Variants in L3MBTL4 observed in about 807,000 individuals in gnomAD.
L3MBTL4 encodes the protein L3MBTL histone methyl-lysine binding protein 4, also known as lethal(3)malignant brain tumor-like protein 4.
L3MBTL4 carries 70 observed loss-of-function variants against 84.5 expected under a neutral mutation model. That is an observed-to-expected ratio of 0.83 (90% CI 0.68 to 1.01). L3MBTL4 has a LOEUF of 1.01. Ranked by LOEUF, L3MBTL4 falls within the 50% of genes least tolerant of loss-of-function variation. L3MBTL4 has a pLI of 0.00. For missense variants in L3MBTL4, 715 were observed against 754.8 expected (o/e 0.95, Z 0.62); for synonymous variants, 274 against 259.8 (o/e 1.05, Z -0.52).
At chr18:6,247,811 T>A (rs374633736) in intron 5 of L3MBTL4, among the ~76,000 whole-genome samples, 15 of 151,798 alleles carry the variant, frequency 9.9e-5, no homozygotes, top group African/African-American at 3.6e-4. Flanking sequence ...ATTCCTGGTT[T>A]TGGGTCTGTC....
At chr18:6,123,092 A>G (rs2059578876) in intron 14 of L3MBTL4, among the ~76,000 whole-genome samples, 3 of 152,166 alleles carry the variant, frequency 2.0e-5, no homozygotes, top group Admixed American at 2.0e-4. Context: ...AGGCATCTTT[A>G]GGAAAGGGGG....
At chr18:6,396,358 G>T (rs341232) in intron 1 of L3MBTL4, 55,659 of 152,378 alleles carry the variant, frequency 0.37, 10,652 homozygotes, top group Middle Eastern at 0.47. Flanking sequence ...CCAGTGGAAG[G>T]TGCCCCTGGC....
intron 1 of L3MBTL4, among the ~76,000 whole-genome samples, chr18:6,378,478 CTTGAG>C (rs2054463163): frequency 6.6e-6 from 1 of 152,132 alleles, no homozygotes; most frequent in Non-Finnish European, 1.5e-5. Flanking sequence ...TTTAATCCAT[CTTGAG>C]TTAATTTTTG....
intron 1 of L3MBTL4, among the ~76,000 whole-genome samples, chr18:6,388,787 A>T (rs911368036): frequency 6.6e-6 from 1 of 152,194 alleles, no homozygotes; most frequent in Non-Finnish European, 1.5e-5. Context: ...GCAGATGGAC[A>T]CCGGCTGTGT....
chr18:6,277,131 C>T (rs571044634), intron 4 of L3MBTL4, among the ~76,000 whole-genome samples: 40 of 108,096 alleles, frequency 3.7e-4, no homozygotes, highest in African/African-American at 1.5e-3. Context: ...ACTCTGGGGA[C>T]TGTTGTGGGG....
At chr18:6,015,543 C>G (rs1177996899) in intron 16 of L3MBTL4, among the ~76,000 whole-genome samples, 1 of 152,166 alleles carries the variant, frequency 6.6e-6, no homozygotes. Flanking sequence ...TCTTTGTTGA[C>G]TTCTCCAGCC....
chr18:6,096,407 G>A (rs914264691), intron 14 of L3MBTL4, among the ~76,000 whole-genome samples: 3 of 152,160 alleles, frequency 2.0e-5, no homozygotes, highest in African/African-American at 7.2e-5. Flanking sequence ...CTGATTCTAT[G>A]AGGCAAATCA....
At chr18:5,980,572 C>T (rs694483) in intron 16 of L3MBTL4, among the ~76,000 whole-genome samples, 29,867 of 151,506 alleles carry the variant, frequency 0.2, 3,469 homozygotes, top group African/African-American at 0.32. Context: ...GCTGGGATTA[C>T]AGGCTTGCAC....
chr18:6,070,674 CA>C (rs199705016), intron 16 of L3MBTL4, among the ~76,000 whole-genome samples: 525 of 150,698 alleles, frequency 3.5e-3, no homozygotes, highest in Middle Eastern at 6.8e-3. Context: ...AAACAAAAAA[CA>C]AAAAAAACAA....
chr18:6,309,772 TA>T (rs1269287043), intron 3 of L3MBTL4, among the ~76,000 whole-genome samples: 3 of 152,246 alleles, frequency 2.0e-5, no homozygotes, highest in East Asian at 1.9e-4. Flanking sequence ...AGTACTAAGA[TA>T]GGGGGGTAAC....
chr18:6,204,990 T>C (rs11877895), intron 12 of L3MBTL4, among the ~76,000 whole-genome samples: 10,381 of 152,266 alleles, frequency 0.068, 1,147 homozygotes, highest in African/African-American at 0.23. Flanking sequence ...TGTAAAACAA[T>C]TGCATAAGGC....
At chr18:6,049,479 C>T (rs1041443954) in intron 16 of L3MBTL4, among the ~76,000 whole-genome samples, 1 of 152,140 alleles carries the variant, frequency 6.6e-6, no homozygotes, top group East Asian at 1.9e-4. Flanking sequence ...AAGTACCCAT[C>T]AACAGTGGAT....
intron 13 of L3MBTL4, among the ~76,000 whole-genome samples, chr18:6,162,001 TC>T (rs1489160945): frequency 2.6e-4 from 40 of 151,356 alleles, no homozygotes; most frequent in Non-Finnish European, 5.3e-4. Context: ...TACGCATTTT[TC>T]TTCCTTTGTT....
intron 17 of L3MBTL4, among the ~76,000 whole-genome samples, chr18:5,961,948 G>A (rs1453220364): frequency 6.6e-6 from 1 of 152,192 alleles, no homozygotes; most frequent in Non-Finnish European, 1.5e-5. Flanking sequence ...CCAGGACACT[G>A]AGGGTGGCCT....
At chr18:5,993,959 G>A (rs1347612411) in intron 16 of L3MBTL4, among the ~76,000 whole-genome samples, 1 of 152,194 alleles carries the variant, frequency 6.6e-6, no homozygotes, top group Non-Finnish European at 1.5e-5. Context: ...GAATGAATAA[G>A]CCAGGGGTTC....
intron 16 of L3MBTL4, among the ~76,000 whole-genome samples, chr18:5,996,678 T>C (rs368309206): frequency 1.1e-3 from 162 of 152,204 alleles, no homozygotes; most frequent in African/African-American, 3.8e-3. Flanking sequence ...ATGAAGTATG[T>C]AGAAGATGCC....
At chr18:6,339,418 TA>T (rs2052500562) in intron 1 of L3MBTL4, among the ~76,000 whole-genome samples, 1 of 152,070 alleles carries the variant, frequency 6.6e-6, no homozygotes, top group South Asian at 2.1e-4. Context: ...TAAATCACAA[TA>T]GAAATGTGAA....
chr18:6,243,832 G>C lies in L3MBTL4; in HGVS notation c.325-403C>G, dbSNP rs1019814865. ...AAAGTACAAAGCACAACTAAAATAA[G>C]CATGGCCTTGTTTCAACTCTAACAT... On this transcript the variant is annotated intron_variant, in intron 6 of 18. Coordinates refer to ENST00000317931, the MANE Select transcript of L3MBTL4 (RefSeq NM_001330559.2). Among the ~76,000 whole-genome samples, 3 of 152,098 alleles carry C rather than the reference G, an allele frequency of 2.0e-5. No homozygotes were observed. The East Asian group carries it at 5.8e-4, about 29-fold the overall frequency.
Position 6,189,638 on chromosome 18 carries a change from TAAGTA to T in L3MBTL4, c.982-17701_982-17697del, listed in dbSNP as rs58361215. Reference sequence around the variant, plus strand: ...AATTACTATAAATGTAAAATTTTTTTAAGTAAAGAAAATGGATATAAAGTTGGAGA... The same window carrying T: ...AATTACTATAAATGTAAAATTTTTTTAAGAAAATGGATATAAAGTTGGAGA... On this transcript the variant is annotated intron_variant, in intron 12 of 18. Transcript: ENST00000317931. Among the ~76,000 whole-genome samples, 1,114 of 152,254 alleles carry T rather than the reference TAAGTA, an allele frequency of 7.3e-3. 13 individuals carry two copies. The highest frequency in any genetic ancestry group is 0.026 in the African/African-American group (1,072 of 41,528).
Sources: allele counts gnomAD v4.1 joint callset (sites outside exome capture counted in the v4.1 genomes callset), GRCh38; gene constraint gnomAD v4.1.1; transcripts MANE v1.5; gene names NCBI Gene and HGNC (gene_info 2026-07-23, HGNC 2026-07-21).